SPATA21: variants seen among roughly 807,000 people sequenced by gnomAD.
The protein encoded by SPATA21 is spermatogenesis associated 21, also known as spermatogenesis-associated protein 21.
In SPATA21, 47 loss-of-function variants were observed where a neutral mutation model predicts 54.8. That is an observed-to-expected ratio of 0.86 (90% CI 0.68 to 1.09). The LOEUF is 1.09. Among genes scored for constraint, SPATA21 ranks in the 50% least tolerant of loss-of-function variants. The probability of loss-of-function intolerance (pLI) is 0.00; values close to 1 mark genes in which losing one functional copy is unlikely to be tolerated. For missense variants in SPATA21, 599 were observed against 596.4 expected (o/e 1.00, Z -0.05); for synonymous variants, 245 against 235.3 (o/e 1.04, Z -0.38).
chr1:16,435,824 G>A (rs1200606621), intron 1 of SPATA21, among the ~76,000 whole-genome samples: 10 of 151,984 alleles, frequency 6.6e-5, no homozygotes, highest in East Asian at 5.8e-4. Context: ...ATTATTGCAC[G>A]GTAAATGTTC....
At chr1:16,433,415 C>T (rs2086508855) in intron 1 of SPATA21, among the ~76,000 whole-genome samples, 1 of 152,252 alleles carries the variant, frequency 6.6e-6, no homozygotes, top group Non-Finnish European at 1.5e-5. Flanking sequence ...AAGTCCTTCT[C>T]TCTTGCCTTG....
chr1:16,418,494 G>C (rs774553711), intron 5 of SPATA21, among the ~76,000 whole-genome samples: 1 of 150,666 alleles, frequency 6.6e-6, no homozygotes, highest in Non-Finnish European at 1.5e-5. Flanking sequence ...GGATGGTCTC[G>C]ATCTCCTGAC....
chr1:16,400,679 G>T, intron 11 of SPATA21, 41 bp downstream of exon 11: 1 of 1,572,424 alleles, frequency 6.4e-7, no homozygotes, highest in Non-Finnish European at 8.6e-7. Flanking sequence ...AGAGAGCAAA[G>T]CCCCAACCCT....
rs2086175771 is a variant in SPATA21, at chr1:16,421,646, G to A, written c.96-89C>T. 2.9e-6 allele frequency: 4 copies of A among 1,376,524 alleles called. No individual in the cohort carries two copies. The highest frequency in any genetic ancestry group is 2.0e-6 in the Non-Finnish European group (2 of 998,498). 85.3% of individuals were successfully genotyped at this position (1,376,524 alleles called of 1,614,324 possible). On this transcript the variant is annotated intron_variant, in intron 4 of 12. Transcript: ENST00000335496. The surrounding 1 kb of genome is among the most constrained non-coding windows in gnomAD (Gnocchi z 5.2). ...CCCCTCTCAGCCCCCAGGACACTCA[G>A]TTCCACCCCAGCCTCATCCCCTTGG...
chr1:16,411,877 T>C (rs145302868), intron 5 of SPATA21, among the ~76,000 whole-genome samples: 44 of 151,782 alleles, frequency 2.9e-4, no homozygotes, highest in African/African-American at 1.0e-3. Flanking sequence ...CCCCTTCTAT[T>C]GCAAAATTCC....
intron 3 of SPATA21, chr1:16,427,870 C>T (rs2086362169): frequency 1.3e-6 from 2 of 1,547,728 alleles, no homozygotes; most frequent in Admixed American, 2.0e-5. Context: ...TCACCCTGGT[C>T]TTGCTGGAGG....
intron 2 of SPATA21, among the ~76,000 whole-genome samples, chr1:16,431,758 C>T (rs537143892): frequency 1.1e-4 from 16 of 152,296 alleles, no homozygotes; most frequent in African/African-American, 3.1e-4. Flanking sequence ...ACATTTCCTA[C>T]AGGGTATTCT....
At chr1:16,413,417 G>A (rs1363220551) in intron 5 of SPATA21, among the ~76,000 whole-genome samples, 1 of 152,144 alleles carries the variant, frequency 6.6e-6, no homozygotes, top group Non-Finnish European at 1.5e-5. Flanking sequence ...CCATTAATCT[G>A]TCAATGGACA....
In SPATA21 at chr1:16,424,750, C is replaced by CA. The variant is rs113872394; in HGVS notation, c.35-2780dup. 1.9e-3 allele frequency among the ~76,000 whole-genome samples: 285 copies of CA among 152,130 alleles called. 1 individual carries two copies. The highest frequency in any genetic ancestry group is 6.3e-3 in the African/African-American group (262 of 41,534). On this transcript the variant is annotated intron_variant, in intron 3 of 12. Transcript: ENST00000335496. ...CTTGCAAAATCTTACAAAGGCTCAGCAGCTAGTAAACTGCTTCCAGGATAT... is the reference window on the plus strand; with the variant it reads ...CTTGCAAAATCTTACAAAGGCTCAGCAAGCTAGTAAACTGCTTCCAGGATAT...
At chr1:16,411,644 G>T (rs1001446433) in intron 5 of SPATA21, among the ~76,000 whole-genome samples, 1 of 151,958 alleles carries the variant, frequency 6.6e-6, no homozygotes, top group South Asian at 2.1e-4. Context: ...CAAAAAATTC[G>T]CCGGGTGTGG....
chr1:16,405,179 CT>C, intron 7 of SPATA21, 75 bp from the exon 8 acceptor site: 1 of 1,537,644 alleles, frequency 6.5e-7, no homozygotes, highest in Non-Finnish European at 8.7e-7. Context: ...CCCAACCACC[CT>C]CCTGCCAGCC....
chr1:16,425,381 AG>A (rs1474526549), intron 3 of SPATA21: 2 of 903,420 alleles, frequency 2.2e-6, no homozygotes, highest in Non-Finnish European at 3.4e-6. Flanking sequence ...CCTGGGCTCA[AG>A]GGATCACCCC....
At chr1:16,424,230 A>G (rs373100113) in intron 3 of SPATA21, among the ~76,000 whole-genome samples, 569 of 4,972 alleles carry the variant, frequency 0.11, 2 homozygotes, top group African/African-American at 0.16. Flanking sequence ...GGAGAATGGC[A>G]TGAACCTGGG....
chr1:16,407,542 C>T (rs2085681885), intron 7 of SPATA21, among the ~76,000 whole-genome samples: 1 of 152,110 alleles, frequency 6.6e-6, no homozygotes, highest in African/African-American at 2.4e-5. Flanking sequence ...TCACTGCAAC[C>T]TCCACTTCCC....
At chr1:16,422,668 G>A (rs1437625603) in intron 3 of SPATA21, among the ~76,000 whole-genome samples, 1 of 152,034 alleles carries the variant, frequency 6.6e-6, no homozygotes, top group Non-Finnish European at 1.5e-5. Flanking sequence ...ACCACGCCTG[G>A]CTGATATTTT....
At chr1:16,434,451 G>A (rs1055031086) in intron 1 of SPATA21, among the ~76,000 whole-genome samples, 2 of 151,944 alleles carry the variant, frequency 1.3e-5, no homozygotes, top group African/African-American at 4.8e-5. Flanking sequence ...ACCATGCCTG[G>A]TTCGTCTTAA....
At position 16,409,975 on chromosome 1, in the gene SPATA21, C is replaced by G; in HGVS notation, c.213G>C (p.Val71=). 6.2e-7 allele frequency: 1 copy of G among 1,608,532 alleles called. No individual in the cohort carries two copies. The highest frequency in any genetic ancestry group is 8.5e-7 in the Non-Finnish European group (1 of 1,177,502). Residue 71 remains valine (V), a synonymous_variant, in exon 6 of 13, where the codon GTG becomes GTC. Coordinates refer to ENST00000335496, the MANE Select transcript of SPATA21 (RefSeq NM_198546.1). The surrounding 1 kb of genome is among the most constrained non-coding windows in gnomAD (Gnocchi z 4.1). ...RAQQQPQKPA[V]AAGTQSLGNF... is the part of the protein sequence containing the mutation. ...TCCCGAGGCTCTGTGTCCCTGCAGC[C>G]ACCGCGGGCTTCTGAGGCTGCTGCT...
Position 16,399,461 on chromosome 1 carries a change from T to A in SPATA21, c.1235A>T (p.Asp412Val). 3 of 1,614,132 alleles carry A rather than the reference T, an allele frequency of 1.9e-6. No individual in the cohort carries two copies. The highest frequency in any genetic ancestry group is 1.7e-6 in the Non-Finnish European group (2 of 1,180,022). Residue 412 changes from aspartate (D) to valine (V), a missense_variant, in exon 12 of 13, where the codon GAC (aspartate) becomes GTC (valine). Asp to Val is a radical substitution (Grantham distance 152). Coordinates refer to ENST00000335496, the MANE Select transcript of SPATA21 (RefSeq NM_198546.1). ...CGGCTGCCTACGGACCATCTTCTTG[T>A]CCAGCTGTGGGCAGAGCAGGATGCA... ...VPCILLCPQL[D>V]KKMVRRQPSN...
rs760968605 is a variant in SPATA21, at chr1:16,400,774, C to G, written c.1120G>C (p.Val374Leu). ...YNPQQEESSE[V>L]PERKVLSILS... ...ATACTGAGGACCTTTCGTTCTGGAA[C>G]TTCTGAGCTCTCTTCTTGCTGGGGG... The change falls in exon 11 of 13, where the codon GTT becomes CTT. Residue 374 changes from valine to leucine, a missense_variant. Physicochemically the swap from Val to Leu is conservative, Grantham distance 32 (BLOSUM62 1). Transcript: ENST00000335496. 6.2e-7 allele frequency: 1 copy of G among 1,614,064 alleles called. No homozygotes were observed. The highest frequency in any genetic ancestry group is 8.5e-7 in the Non-Finnish European group (1 of 1,179,990).
Sources: allele counts gnomAD v4.1 joint callset (sites outside exome capture counted in the v4.1 genomes callset), GRCh38; gene constraint gnomAD v4.1.1; non-coding constraint Gnocchi (gnomAD v3.1); transcripts MANE v1.5; gene names NCBI Gene and HGNC (gene_info 2026-07-23, HGNC 2026-07-21).